The following RANGAP1 variants were observed in gnomAD, a reference collection of about 807,000 sequenced individuals.
The protein encoded by RANGAP1 is Ran GTPase activating protein 1, also known as ran GTPase-activating protein 1.
In RANGAP1, 38 loss-of-function variants were observed where a neutral mutation model predicts 63.5. The ratio of observed to expected loss-of-function variants is 0.60; its 90% CI spans 0.46 to 0.78. The LOEUF is 0.78. Ranked by LOEUF, RANGAP1 falls within the 30% of genes least tolerant of loss-of-function variation. The pLI, the probability that RANGAP1 is intolerant of heterozygous loss-of-function variation, is 0.00. For missense variants in RANGAP1, 630 were observed against 740.3 expected (o/e 0.85, Z 1.73); for synonymous variants, 329 against 310.5 (o/e 1.06, Z -0.63).
chr22:41,255,326 G>C (rs1382548789), intron 10 of RANGAP1, among the ~76,000 whole-genome samples: 1 of 152,196 alleles, frequency 6.6e-6, no homozygotes, highest in Non-Finnish European at 1.5e-5. Flanking sequence ...CTGAGTATCT[G>C]ACACACGAAT....
At chr22:41,269,578 T>C (rs559517705) in intron 3 of RANGAP1, among the ~76,000 whole-genome samples, 2 of 150,602 alleles carry the variant, frequency 1.3e-5, no homozygotes, top group Non-Finnish European at 3.0e-5. Context: ...CTACTAAAAG[T>C]ATAAAAATTA....
At chr22:41,287,741 C>CT (rs1367659850), upstream of RANGAP1, among the ~76,000 whole-genome samples, 1 of 151,628 alleles carries the variant, frequency 6.6e-6, no homozygotes, top group Non-Finnish European at 1.5e-5. Context: ...AATCCCAGCA[C>CT]TTTGGGAGGC....
chr22:41,277,236 C>A (rs1236469933), intron 2 of RANGAP1, among the ~76,000 whole-genome samples: 1 of 151,444 alleles, frequency 6.6e-6, no homozygotes, highest in African/African-American at 2.4e-5. Flanking sequence ...CGCCACTACG[C>A]CCGGCTAATT....
intron 15 of RANGAP1, among the ~76,000 whole-genome samples, chr22:41,247,086 C>G (rs1010813819): frequency 6.6e-6 from 1 of 151,818 alleles, no homozygotes; most frequent in Non-Finnish European, 1.5e-5. Flanking sequence ...GACGGAGTCT[C>G]GCTCTGTCAC....
intron 1 of RANGAP1, among the ~76,000 whole-genome samples, chr22:41,283,859 T>C (rs918316801): frequency 1.3e-5 from 2 of 151,830 alleles, no homozygotes; most frequent in Non-Finnish European, 2.9e-5. Context: ...GCAGATGTCA[T>C]CTGACGTACA....
chr22:41,269,765 A>T (rs1311332850), intron 3 of RANGAP1, among the ~76,000 whole-genome samples: 1 of 151,124 alleles, frequency 6.6e-6, no homozygotes, highest in Non-Finnish European at 1.5e-5. Flanking sequence ...AAGCTGGAAG[A>T]GAAAAATTTG....
chr22:41,291,150 G>A (rs1041446647), upstream of RANGAP1, among the ~76,000 whole-genome samples: 1 of 152,198 alleles, frequency 6.6e-6, no homozygotes, highest in Non-Finnish European at 1.5e-5. Context: ...AAACATCTAT[G>A]TTCCAATAGG....
At chr22:41,291,048 G>A (rs921273925), upstream of RANGAP1, among the ~76,000 whole-genome samples, 3 of 152,180 alleles carry the variant, frequency 2.0e-5, no homozygotes, top group Non-Finnish European at 4.4e-5. Context: ...TCTTTCTCAG[G>A]ACTCAAACCA....
At chr22:41,255,576 G>C (rs1482548922) in intron 10 of RANGAP1, among the ~76,000 whole-genome samples, 2 of 135,876 alleles carry the variant, frequency 1.5e-5, no homozygotes, top group Non-Finnish European at 3.1e-5. Context: ...ATCAGGATGA[G>C]ATCTGGCCTC....
intron 13 of RANGAP1, 65 bp from the exon 14 acceptor site, chr22:41,249,882 G>T: frequency 6.8e-7 from 1 of 1,460,272 alleles, no homozygotes; most frequent in Non-Finnish European, 9.6e-7. Flanking sequence ...AAGGCACCCA[G>T]GGTTCCCCCA....
At chr22:41,247,224 T>G (rs1159322365) in intron 15 of RANGAP1, among the ~76,000 whole-genome samples, 1 of 151,774 alleles carries the variant, frequency 6.6e-6, no homozygotes, top group Non-Finnish European at 1.5e-5. Context: ...CCCAGCTAAT[T>G]TTTTGTATTT....
Position 41,279,469 on chromosome 22 carries a change from C to CA in RANGAP1, c.112+1463dup, listed in dbSNP as rs199969414. On this transcript the variant is annotated intron_variant, in intron 2 of 15. Coordinates refer to ENST00000356244, the MANE Select transcript of RANGAP1 (RefSeq NM_002883.4). ...TGGGTGACAGAGCACGACTCCATCT[C>CA]AAAAAAAAAACAAAAAGAAAAGAAA... Among the ~76,000 whole-genome samples the CA allele has an allele frequency of 2.8e-3, 391 of 137,576 alleles. 10 individuals carry two copies. In the East Asian group the frequency reaches 0.064, roughly 23 times the overall value. 90.3% of individuals were successfully genotyped at this position (137,576 alleles called of 152,430 possible).
At chr22:41,299,968 G>T in the RANGAP1 span, among the ~76,000 whole-genome samples, 211 of 151,708 alleles carry the variant, frequency 1.4e-3, 1 homozygote, top group Admixed American at 2.9e-3. Flanking sequence ...AGCCAGGATG[G>T]TCTCGATCTC....
chr22:41,286,701 G>A (rs185376211), upstream of RANGAP1, among the ~76,000 whole-genome samples: 55 of 152,316 alleles, frequency 3.6e-4, no homozygotes, highest in Admixed American at 1.9e-3. Flanking sequence ...TTAAAAAGGG[G>A]AAATAGTAAC....
intron 4 of RANGAP1, among the ~76,000 whole-genome samples, chr22:41,266,157 G>C (rs1396249551): frequency 2.0e-5 from 3 of 150,070 alleles, no homozygotes; most frequent in South Asian, 2.1e-4. Context: ...AGCCGAGATC[G>C]TGCCACTGCA....
chr22:41,254,094 G>A (rs1270620462), intron 11 of RANGAP1, among the ~76,000 whole-genome samples: 3 of 150,178 alleles, frequency 2.0e-5, no homozygotes, highest in African/African-American at 7.4e-5. Context: ...GGTGACAAGA[G>A]TGAGACTCCA....
chr22:41,261,418 A>T (rs778546179), intron 6 of RANGAP1, 28 bp downstream of exon 6: 1 of 1,613,898 alleles, frequency 6.2e-7, no homozygotes, highest in Non-Finnish European at 8.5e-7. Context: ...TCAAGGCTGC[A>T]GGGGCAGGAT....
chr22:41,253,346 C>G (rs1243695592), intron 11 of RANGAP1, among the ~76,000 whole-genome samples: 2 of 152,214 alleles, frequency 1.3e-5, no homozygotes, highest in African/African-American at 2.4e-5. Flanking sequence ...ACAGTCCAGC[C>G]TGGGTAAGCC....
In RANGAP1 at chr22:41,257,567, G is replaced by A. The variant is rs1359816674; in HGVS notation, c.774+381C>T. On this transcript the variant is annotated intron_variant, in intron 7 of 15. Coordinates refer to ENST00000356244, the MANE Select transcript of RANGAP1 (RefSeq NM_002883.4). This position sits in a 1 kb window ranked among gnomAD's most constrained non-coding sequence, Gnocchi z 4.0. Reference sequence around the variant, plus strand: ...AAGTTCAAGACCAGCTTGGGCAACAGTAAGATTCCGTCTCAAAAAGTGATA... The same window carrying A: ...AAGTTCAAGACCAGCTTGGGCAACAATAAGATTCCGTCTCAAAAAGTGATA... 1.3e-5 allele frequency among the ~76,000 whole-genome samples: 2 copies of A among 152,234 alleles called. No individual in the cohort carries two copies. The highest frequency in any genetic ancestry group is 2.1e-4 in the South Asian group (1 of 4,828).
Sources: allele counts gnomAD v4.1 joint callset (sites outside exome capture counted in the v4.1 genomes callset), GRCh38; gene constraint gnomAD v4.1.1; non-coding constraint Gnocchi (gnomAD v3.1); transcripts MANE v1.5; gene names NCBI Gene and HGNC (gene_info 2026-07-23, HGNC 2026-07-21).